Variants in ADGRL2 observed in about 807,000 individuals in gnomAD.
ADGRL2 encodes the protein adhesion G protein-coupled receptor L2, also known as calcium-independent alpha-latrotoxin receptor 2.
A neutral mutation model predicts 157.4 loss-of-function variants in ADGRL2; 44 were observed. That is an observed-to-expected ratio of 0.28 (90% CI 0.22 to 0.36). The LOEUF (loss-of-function observed/expected upper bound fraction) is 0.36. Ranked by LOEUF, ADGRL2 falls within the 10% of genes least tolerant of loss-of-function variation. The pLI, the probability that ADGRL2 is intolerant of heterozygous loss-of-function variation, is 1.00. For synonymous variants in ADGRL2, 585 were observed against 624.7 expected (o/e 0.94, Z 0.95); for missense variants, 1,510 against 1,768.9 (o/e 0.85, Z 2.63).
chr1:81,372,475 C>G (rs1169107157), intron 1 of ADGRL2, among the ~76,000 whole-genome samples: 1 of 152,160 alleles, frequency 6.6e-6, no homozygotes, highest in Non-Finnish European at 1.5e-5. Context: ...TTTGCTAGCA[C>G]CTGTACAACC....
intron 3 of ADGRL2, among the ~76,000 whole-genome samples, chr1:81,616,679 C>CTTTTTTTTTTTTTTT (rs1164087131): frequency 2.0e-4 from 21 of 105,976 alleles, no homozygotes; most frequent in African/African-American, 4.5e-4. Context: ...CTTTTCTTTT[C>CTTTTTTTTTTTTTTT]TTTTTTTTTT....
At chr1:81,726,029 T>G (rs2084516816) in intron 1 of ADGRL2, among the ~76,000 whole-genome samples, 1 of 151,930 alleles carries the variant, frequency 6.6e-6, no homozygotes, top group Admixed American at 6.6e-5. Context: ...ACCAAAACAA[T>G]CCGCAGGTGG....
intron 2 of ADGRL2, among the ~76,000 whole-genome samples, chr1:81,881,539 GTA>G (rs1401378009): frequency 7.2e-5 from 11 of 152,156 alleles, no homozygotes; most frequent in Admixed American, 3.3e-4. Context: ...GTTACAAATA[GTA>G]CTGAAAAAGG....
intron 1 of ADGRL2, among the ~76,000 whole-genome samples, chr1:81,356,754 C>T (rs1663321037): frequency 1.3e-5 from 2 of 151,802 alleles, no homozygotes; most frequent in African/African-American, 2.4e-5. Context: ...GAGATCGACA[C>T]CATCCTGGCT....
At chr1:81,617,667 C>T (rs191915629) in intron 3 of ADGRL2, among the ~76,000 whole-genome samples, 32 of 152,324 alleles carry the variant, frequency 2.1e-4, no homozygotes, top group African/African-American at 6.7e-4. Context: ...TTTTCCTTTT[C>T]GGGAACAGAG....
At chr1:81,520,239 G>A (rs2079280440) in intron 2 of ADGRL2, among the ~76,000 whole-genome samples, 1 of 152,022 alleles carries the variant, frequency 6.6e-6, no homozygotes, top group African/African-American at 2.4e-5. Context: ...TGTTTGTTTT[G>A]TTTTTTAATA....
chr1:81,386,287 T>A (rs904674419), intron 1 of ADGRL2, among the ~76,000 whole-genome samples: 1 of 151,954 alleles, frequency 6.6e-6, no homozygotes, highest in Non-Finnish European at 1.5e-5. Flanking sequence ...CCATTTAGAG[T>A]AGTTGATTTG....
intron 3 of ADGRL2, among the ~76,000 whole-genome samples, chr1:81,597,217 A>G (rs1254333604): frequency 1.3e-5 from 2 of 152,158 alleles, no homozygotes; most frequent in Non-Finnish European, 2.9e-5. Context: ...TTACAGTAGC[A>G]GTTAAAAAGT....
intron 2 of ADGRL2, among the ~76,000 whole-genome samples, chr1:81,465,080 C>T (rs1370981141): frequency 6.6e-6 from 1 of 151,906 alleles, no homozygotes; most frequent in African/African-American, 2.4e-5. Context: ...TCGGTGGTCA[C>T]ATATTTCAGC....
intron 2 of ADGRL2, among the ~76,000 whole-genome samples, chr1:81,545,652 A>G (rs910578418): frequency 2.6e-5 from 4 of 152,158 alleles, no homozygotes; most frequent in Admixed American, 2.6e-4. Flanking sequence ...TTAAATTCCA[A>G]TAGGCTTATG....
intron 1 of ADGRL2, among the ~76,000 whole-genome samples, chr1:81,348,352 G>A (rs115542804): frequency 2.8e-3 from 423 of 152,214 alleles, no homozygotes; most frequent in Non-Finnish European, 4.5e-3. Context: ...ACAAGGCAAC[G>A]ACAAACTCGT....
intron 17 of ADGRL2, among the ~76,000 whole-genome samples, chr1:81,978,906 C>G (rs1325243306): frequency 6.6e-6 from 1 of 151,542 alleles, no homozygotes; most frequent in East Asian, 1.9e-4. Context: ...ACGTACAGCT[C>G]ACAAAATGAC....
intron 1 of ADGRL2, among the ~76,000 whole-genome samples, chr1:81,352,106 G>A (rs959695471): frequency 2.0e-5 from 3 of 152,254 alleles, no homozygotes; most frequent in African/African-American, 4.8e-5. Context: ...TGCACTAGGT[G>A]CACACACGTG....
At chr1:81,705,050 T>G (rs183081642) in intron 1 of ADGRL2, among the ~76,000 whole-genome samples, 1 of 152,154 alleles carries the variant, frequency 6.6e-6, no homozygotes, top group African/African-American at 2.4e-5. Context: ...TCTTTTAATT[T>G]TATTTATTTA....
intron 2 of ADGRL2, among the ~76,000 whole-genome samples, chr1:81,535,968 TACAA>T (rs938322431): frequency 1.6e-4 from 25 of 152,174 alleles, no homozygotes; most frequent in Non-Finnish European, 2.4e-4. Context: ...TAACTGCACA[TACAA>T]ACAGTGTAAA....
intron 2 of ADGRL2, among the ~76,000 whole-genome samples, chr1:81,569,877 T>G (rs1194257123): frequency 1.3e-5 from 2 of 152,174 alleles, no homozygotes; most frequent in African/African-American, 4.8e-5. Flanking sequence ...GTCAGCCATC[T>G]AAAGGTTTGA....
chr1:81,752,934 C>T (rs1190587366), intron 1 of ADGRL2, among the ~76,000 whole-genome samples: 2 of 152,120 alleles, frequency 1.3e-5, no homozygotes. Context: ...TTTTATATTA[C>T]TTACATTGCT....
In ADGRL2 at chr1:81,993,079, A is replaced by ATT. The variant is rs1664862844; in HGVS notation, c.*1935_*1936insTT. On this transcript the variant is annotated 3_prime_UTR_variant, in exon 24 of 24. Transcript: ENST00000686636. Reference sequence around the variant, plus strand: ...TATACATATATATATATATATATATATATATATATTTTTTTTTTTTTTTTT... The same window carrying ATT: ...TATACATATATATATATATATATATATTTATATATATTTTTTTTTTTTTTTTT... Among the ~76,000 whole-genome samples, 2 of 27,514 alleles carry ATT rather than the reference A, an allele frequency of 7.3e-5. No homozygotes were observed. The highest frequency in any genetic ancestry group is 3.4e-4 in the African/African-American group (2 of 5,878). The allele number at this position is 27,514 out of a possible 152,430, so 18.1% of individuals were successfully genotyped here.
At chr1:81,586,202 T>A (rs999504128) in intron 3 of ADGRL2, 1 of 152,036 alleles carries the variant, frequency 6.6e-6, no homozygotes, top group Non-Finnish European at 1.5e-5. Context: ...TTGCTTAAGG[T>A]AGTTGACATC....
Sources: gnomAD v4.1 joint callset for allele counts (sites outside exome capture counted in the v4.1 genomes callset) on GRCh38, gnomAD v4.1.1 for gene constraint, MANE v1.5 for transcripts, NCBI Gene and HGNC (gene_info 2026-07-23, HGNC 2026-07-21) for gene names.